Variants in THSD7A observed in about 807,000 individuals in gnomAD.
The protein encoded by THSD7A is thrombospondin type-1 domain-containing protein 7A.
THSD7A carries 96 observed loss-of-function variants against 231.3 expected under a neutral mutation model. The ratio of observed to expected loss-of-function variants is 0.41; its 90% CI spans 0.35 to 0.49. The LOEUF (loss-of-function observed/expected upper bound fraction) is 0.49. Ranked by LOEUF, THSD7A falls within the 20% of genes least tolerant of loss-of-function variation. The probability of loss-of-function intolerance (pLI) is 0.05; values close to 1 mark genes in which losing one functional copy is unlikely to be tolerated. For synonymous variants in THSD7A, 940 were observed against 743.3 expected, an observed-to-expected ratio of 1.26 and a Z score of -4.30; for missense variants, 2,290 against 2,070.2, an observed-to-expected ratio of 1.11 and a Z score of -2.06.
chr7:11,438,779 G>A (rs1053400934), intron 13 of THSD7A, among the ~76,000 whole-genome samples: 2 of 151,926 alleles, frequency 1.3e-5, no homozygotes, highest in Admixed American at 1.3e-4. Flanking sequence ...AGAGCCATTG[G>A]ATCATGATTC....
intron 6 of THSD7A, among the ~76,000 whole-genome samples, chr7:11,496,956 C>G (rs903443746): frequency 6.6e-6 from 1 of 152,106 alleles, no homozygotes; most frequent in South Asian, 2.1e-4. Context: ...AGCTATCCAA[C>G]GTAAATCAAT....
chr7:11,550,024 A>G (rs1789561250), intron 4 of THSD7A, among the ~76,000 whole-genome samples: 2 of 152,192 alleles, frequency 1.3e-5, no homozygotes, highest in African/African-American at 4.8e-5. Context: ...AGGCATCCAA[A>G]TAGGAAGAGA....
intron 1 of THSD7A, among the ~76,000 whole-genome samples, chr7:11,643,597 A>AGG (rs1554259047): frequency 1.0e-5 from 1 of 98,340 alleles, no homozygotes; most frequent in Non-Finnish European, 1.8e-5. Flanking sequence ...CACCACACGC[A>AGG]CGCGCGCACA....
chr7:11,643,336 T>G (rs905799045), intron 1 of THSD7A, among the ~76,000 whole-genome samples: 1 of 152,082 alleles, frequency 6.6e-6, no homozygotes, highest in African/African-American at 2.4e-5. Context: ...ACAAAATTTC[T>G]ATTTGTTTTT....
chr7:11,438,275 G>A (rs1784695184), intron 13 of THSD7A, among the ~76,000 whole-genome samples: 1 of 151,844 alleles, frequency 6.6e-6, no homozygotes, highest in Non-Finnish European at 1.5e-5. Flanking sequence ...TTCCACACAA[G>A]GATATAAATA....
intron 19 of THSD7A, among the ~76,000 whole-genome samples, chr7:11,407,976 T>C (rs1783644632): frequency 6.6e-6 from 1 of 152,210 alleles, no homozygotes; most frequent in South Asian, 2.1e-4. Flanking sequence ...TTTTTTTGAT[T>C]ATGAATATTT....
chr7:11,615,181 C>T (rs768547619), intron 2 of THSD7A, among the ~76,000 whole-genome samples: 1 of 152,146 alleles, frequency 6.6e-6, no homozygotes, highest in Non-Finnish European at 1.5e-5. Flanking sequence ...TATGCAACTG[C>T]GTGCATCTTG....
intron 6 of THSD7A, among the ~76,000 whole-genome samples, chr7:11,530,831 T>C (rs908566360): frequency 6.6e-6 from 1 of 152,088 alleles, no homozygotes; most frequent in African/African-American, 2.4e-5. Context: ...GTCAATACAG[T>C]GAAGCCTGGT....
intron 4 of THSD7A, among the ~76,000 whole-genome samples, chr7:11,580,352 T>C (rs971331280): frequency 2.0e-5 from 3 of 152,208 alleles, no homozygotes; most frequent in Non-Finnish European, 2.9e-5. Context: ...GGACGGACCA[T>C]GGTGTAGTGC....
In THSD7A at chr7:11,706,630, CTTTTTTT is replaced by C. The variant is rs66964252; in HGVS notation, c.191-69676_191-69670del. 2.1e-4 allele frequency among the ~76,000 whole-genome samples: 14 copies of C among 66,420 alleles called. 1 individual carries two copies. The highest frequency in any genetic ancestry group is 2.4e-4 in the Non-Finnish European group (9 of 36,892). The allele number at this position is 66,420 out of a possible 152,430, so 43.6% of individuals were successfully genotyped here. On this transcript the variant is annotated intron_variant, in intron 1 of 27. Transcript: ENST00000423059. ...ATTGACTAAAAATTTTAACAAGGTG[CTTTTTTT>C]TTTTTTTTTTTTTTTTTTAGAAATT...
At chr7:11,635,892 A>G (rs1431298538) in intron 2 of THSD7A, among the ~76,000 whole-genome samples, 1 of 152,124 alleles carries the variant, frequency 6.6e-6, no homozygotes, top group Non-Finnish European at 1.5e-5. Context: ...AGAATTGCTC[A>G]TGCTCCAGAC....
At chr7:11,593,824 G>A (rs1780260971) in intron 2 of THSD7A, among the ~76,000 whole-genome samples, 1 of 152,190 alleles carries the variant, frequency 6.6e-6, no homozygotes, top group Non-Finnish European at 1.5e-5. Context: ...CTTAGAAAAT[G>A]AGAAACCAAG....
Position 11,668,655 on chromosome 7 carries a change from A to G in THSD7A, c.191-31694T>C, listed in dbSNP as rs114325183. ...GAGTGAACATGTATAAGACACAACT[A>G]GGGGTAAATGGGTCTGCCCTAGAGA... On this transcript the variant is annotated intron_variant, in intron 1 of 27. Coordinates refer to ENST00000423059, the MANE Select transcript of THSD7A (RefSeq NM_015204.3). Among the ~76,000 whole-genome samples, 1,195 of 152,302 alleles carry G rather than the reference A, an allele frequency of 7.8e-3. 14 individuals carry two copies. Among genetic ancestry groups the G allele is most frequent in the African/African-American group, 0.027 (1,141 of 41,576 alleles).
In THSD7A at chr7:11,814,576, C is replaced by T. The variant is rs529195998; in HGVS notation, c.190+17181G>A. Among the ~76,000 whole-genome samples, 5 of 152,218 alleles carry T rather than the reference C, an allele frequency of 3.3e-5. No individual in the cohort carries two copies. The East Asian group carries it at 7.7e-4, about 24-fold the overall frequency. ...TGCTTGATCAACCAAGGTTGAAGGA[C>T]CACCTTGTCTGCTTCATAGTATTTA... On this transcript the variant is annotated intron_variant, in intron 1 of 27. Coordinates refer to ENST00000423059, the MANE Select transcript of THSD7A (RefSeq NM_015204.3). This position sits in a 1 kb window ranked among gnomAD's most constrained non-coding sequence, Gnocchi z 5.1.
chr7:11,730,033 A>C (rs1321536909), intron 1 of THSD7A, among the ~76,000 whole-genome samples: 1 of 151,690 alleles, frequency 6.6e-6, no homozygotes, highest in African/African-American at 2.4e-5. Context: ...ATCACTTTCT[A>C]CAATTGGTGA....
chr7:11,694,127 T>C (rs1009368243), intron 1 of THSD7A, among the ~76,000 whole-genome samples: 5 of 151,558 alleles, frequency 3.3e-5, no homozygotes, highest in African/African-American at 9.7e-5. Context: ...TTACCTTCTG[T>C]TTCCCAGAGT....
chr7:11,737,387 G>A (rs1781953012), intron 1 of THSD7A, among the ~76,000 whole-genome samples: 1 of 151,982 alleles, frequency 6.6e-6, no homozygotes, highest in Non-Finnish European at 1.5e-5. Flanking sequence ...GGCTTGATGT[G>A]TGAAAGGTCA....
chr7:11,528,105 C>T (rs1788554290), intron 6 of THSD7A, among the ~76,000 whole-genome samples: 1 of 151,946 alleles, frequency 6.6e-6, no homozygotes, highest in Non-Finnish European at 1.5e-5. Flanking sequence ...AGTTTGAGGG[C>T]TGCAGTGAGC....
chr7:11,728,066 T>C (rs552055812), intron 1 of THSD7A, among the ~76,000 whole-genome samples: 118 of 152,022 alleles, frequency 7.8e-4, no homozygotes, highest in Non-Finnish European at 1.4e-3. Context: ...CTCAGAATCA[T>C]CTGGTAGCTT....
Sources: gnomAD v4.1 joint callset for allele counts (sites outside exome capture counted in the v4.1 genomes callset) on GRCh38, gnomAD v4.1.1 for gene constraint, Gnocchi (gnomAD v3.1) non-coding constraint, MANE v1.5 for transcripts, NCBI Gene and HGNC (gene_info 2026-07-23, HGNC 2026-07-21) for gene names.